AMPD3: variants seen among roughly 807,000 people sequenced by gnomAD.
The protein encoded by AMPD3 is adenosine monophosphate deaminase 3.
A neutral mutation model predicts 82.3 loss-of-function variants in AMPD3; 57 were observed. The observed-to-expected ratio is 0.69, with a 90% CI of 0.56 to 0.86. The LOEUF (loss-of-function observed/expected upper bound fraction) is 0.86. Among genes scored for constraint, AMPD3 ranks in the 40% least tolerant of loss-of-function variants. The probability of loss-of-function intolerance (pLI) is 0.00; values close to 1 mark genes in which losing one functional copy is unlikely to be tolerated. For missense variants in AMPD3, 870 were observed against 1,003.8 expected, an observed-to-expected ratio of 0.87 and a Z score of 1.80; for synonymous variants, 381 against 394.7, an observed-to-expected ratio of 0.97 and a Z score of 0.41.
In AMPD3 at chr11:10,495,139, C is replaced by T. The variant is rs998338395; in HGVS notation, c.1266+109C>T. On this transcript the variant is annotated intron_variant, in intron 8 of 14. Transcript: ENST00000396553. ...GGCCCCTTCCCCTCCCTCTGTGTAC[C>T]ATCAGCTCAGGGAAGGGTGAGGTGC... The T allele has an allele frequency of 5.6e-6, 9 of 1,607,608 alleles. No homozygotes were observed. In the Admixed American group the frequency reaches 8.4e-5, roughly 15 times the overall value.
At chr11:10,477,194 G>A in intron 2 of AMPD3, 5 of 813,978 alleles carry the variant, frequency 6.1e-6, no homozygotes, top group Non-Finnish European at 7.4e-6. Flanking sequence ...ATTTCTTCAG[G>A]CCTGTAGGTA....
chr11:10,483,932 C>T lies in AMPD3; in HGVS notation c.590-888C>T, dbSNP rs142831200. 1.9e-3 allele frequency among the ~76,000 whole-genome samples: 290 copies of T among 152,322 alleles called. 1 individual carries two copies. The highest frequency in any genetic ancestry group is 6.5e-3 in the African/African-American group (271 of 41,570). Reference sequence around the variant, plus strand: ...GCTGAGCTGCATGGAGTTGAAGCCTCCAGCTCTACTGATATTTAGCATCAA... The same window carrying T: ...GCTGAGCTGCATGGAGTTGAAGCCTTCAGCTCTACTGATATTTAGCATCAA... On this transcript the variant is annotated intron_variant, in intron 4 of 14. Transcript: ENST00000396553.
Position 10,487,356 on chromosome 11 carries a change from G to C in AMPD3, c.931G>C (p.Val311Leu), listed in dbSNP as rs117706710. 1 of 1,614,064 alleles carries C rather than the reference G, an allele frequency of 6.2e-7. No homozygotes were observed. The highest frequency in any genetic ancestry group is 1.1e-5 in the South Asian group (1 of 91,082). Residue 311 changes from valine to leucine, a missense_variant, in exon 6 of 15, where the codon GTG becomes CTG. Val to Leu is a conservative substitution (Grantham distance 32). Transcript: ENST00000396553. ...TAACCCCCACCGGGACTTCTATAAC[G>C]TGAGAAAGGTGCGTTAGGGGCGAGT... ...KSNPHRDFYN[V>L]RKVDTHIHAA...
At chr11:10,476,699 C>T (rs1188335993) in intron 2 of AMPD3, among the ~76,000 whole-genome samples, 1 of 152,110 alleles carries the variant, frequency 6.6e-6, no homozygotes, top group Admixed American at 6.5e-5. Flanking sequence ...TGTTGGGGAG[C>T]CCAAAGTAAT....
At chr11:10,466,118 C>T (rs752174223) in intron 2 of AMPD3, among the ~76,000 whole-genome samples, 36 of 152,034 alleles carry the variant, frequency 2.4e-4, no homozygotes, top group Admixed American at 5.9e-4. Context: ...AAAGATTAGC[C>T]GGGCGTGGTG....
At chr11:10,496,712 A>G (rs1849412197) in intron 9 of AMPD3, 100 bp from the exon 10 acceptor site, 1 of 1,589,430 alleles carries the variant, frequency 6.3e-7, no homozygotes, top group Non-Finnish European at 8.6e-7. Flanking sequence ...TGGGTGTTTG[A>G]TGGGGACACA....
intron 1 of AMPD3, among the ~76,000 whole-genome samples, chr11:10,458,564 A>C (rs1848168714): frequency 6.6e-6 from 1 of 152,074 alleles, no homozygotes; most frequent in South Asian, 2.1e-4. Context: ...AAAGGGATGC[A>C]TTTTCCTTTC....
At chr11:10,457,768 G>A (rs964950283) in intron 1 of AMPD3, among the ~76,000 whole-genome samples, 8 of 152,116 alleles carry the variant, frequency 5.3e-5, no homozygotes, top group Non-Finnish European at 1.2e-4. Flanking sequence ...AGTGGTGTGT[G>A]CCTGTGGTCC....
At chr11:10,497,082 C>A (rs1367113075) in intron 10 of AMPD3, 144 bp downstream of exon 10, 3 of 1,089,436 alleles carry the variant, frequency 2.8e-6, no homozygotes, top group Admixed American at 3.5e-5. Context: ...GGTCACCAGC[C>A]CCAAGAAGCT....
At chr11:10,464,626 T>C (rs7934278) in intron 2 of AMPD3, among the ~76,000 whole-genome samples, 126,197 of 152,194 alleles carry the variant, frequency 0.83, 52,542 homozygotes, top group East Asian at 0.94. Flanking sequence ...GAAAAAAAGC[T>C]TGGTCCCTGG....
chr11:10,484,045 T>G (rs1298880769), intron 4 of AMPD3: 3 of 153,660 alleles, frequency 2.0e-5, no homozygotes. Flanking sequence ...AATTCATTAT[T>G]TGTAGTGCAT....
chr11:10,496,613 G>A, intron 9 of AMPD3, 199 bp from the exon 10 acceptor site: 1 of 1,445,152 alleles, frequency 6.9e-7, no homozygotes, highest in Non-Finnish European at 9.2e-7. Context: ...TAGGTGTGGA[G>A]CTTGCAAACC....
chr11:10,500,295 ACATGCACG>A (rs1849540614), intron 11 of AMPD3, 46 bp downstream of exon 11: 3 of 1,599,132 alleles, frequency 1.9e-6, no homozygotes, highest in South Asian at 1.1e-5. Context: ...ATGTGTTAGT[ACATGCACG>A]CATGCACACA....
intron 3 of AMPD3, among the ~76,000 whole-genome samples, chr11:10,480,386 C>A (rs1191667415): frequency 6.6e-6 from 1 of 152,170 alleles, no homozygotes; most frequent in Non-Finnish European, 1.5e-5. Context: ...TCGGTGTCTG[C>A]TCACCTATTC....
At chr11:10,505,030 G>C (rs1849678309) in intron 14 of AMPD3, 1 of 802,304 alleles carries the variant, frequency 1.2e-6, no homozygotes, top group Non-Finnish European at 1.5e-6. Context: ...GGTTTGTTCA[G>C]AATTATATCC....
At chr11:10,494,859 T>C (rs1397808711) in intron 7 of AMPD3, 40 bp from the exon 8 acceptor site, 3 of 1,598,590 alleles carry the variant, frequency 1.9e-6, no homozygotes, top group South Asian at 1.1e-5. Context: ...GCATGGTGGC[T>C]GCAGAACGAT....
chr11:10,500,676 G>A (rs1220934159), intron 11 of AMPD3: 15 of 985,316 alleles, frequency 1.5e-5, no homozygotes, highest in African/African-American at 1.7e-5. Flanking sequence ...GCATATTTTC[G>A]TTCAGCAAAT....
intron 9 of AMPD3, chr11:10,496,428 G>A (rs1416947132): frequency 1.0e-6 from 1 of 985,312 alleles, no homozygotes; most frequent in Admixed American, 6.1e-5. Context: ...CCAGGGTGGA[G>A]CCCATGGCTC....
At chr11:10,450,426 T>C, upstream of AMPD3, 1 of 986,036 alleles carries the variant, frequency 1.0e-6, no homozygotes, top group Non-Finnish European at 1.2e-6. Flanking sequence ...TGCGGGTTGC[T>C]GCAACTACAG....
Sources: allele counts gnomAD v4.1 joint callset (sites outside exome capture counted in the v4.1 genomes callset), GRCh38; gene constraint gnomAD v4.1.1; transcripts MANE v1.5; gene names NCBI Gene and HGNC (gene_info 2026-07-23, HGNC 2026-07-21).